Variants in PARD3 observed in about 807,000 individuals in gnomAD.
The protein encoded by PARD3 is par-3 family cell polarity regulator, also known as partitioning defective 3 homolog.
PARD3 carries 75 observed loss-of-function variants against 155.4 expected under a neutral mutation model. The observed-to-expected ratio is 0.48, with a 90% CI of 0.40 to 0.58. The LOEUF is 0.58. Ranked by LOEUF, PARD3 falls within the 20% of genes least tolerant of loss-of-function variation. PARD3 has a pLI of 0.00. For missense variants in PARD3, 1,642 were observed against 1,721.7 expected, an observed-to-expected ratio of 0.95 and a Z score of 0.82; for synonymous variants, 576 against 610.5, an observed-to-expected ratio of 0.94 and a Z score of 0.83.
At chr10:34,735,487 G>T (rs2094896873) in intron 1 of PARD3, among the ~76,000 whole-genome samples, 1 of 152,132 alleles carries the variant, frequency 6.6e-6, no homozygotes, top group Non-Finnish European at 1.5e-5. Context: ...CACATTCAAA[G>T]TTCTGTCCCT....
chr10:34,139,734 G>A (rs147442413), intron 22 of PARD3, among the ~76,000 whole-genome samples: 1 of 152,298 alleles, frequency 6.6e-6, no homozygotes, highest in East Asian at 1.9e-4. Flanking sequence ...ATCCATGGAT[G>A]TACAGAGTTG....
chr10:34,804,672 T>G (rs148137802), intron 1 of PARD3, among the ~76,000 whole-genome samples: 1 of 152,360 alleles, frequency 6.6e-6, no homozygotes, highest in East Asian at 1.9e-4. Flanking sequence ...GGAAGAGTTT[T>G]CTTTTTTCCT....
At chr10:34,425,062 AC>A (rs1376175411) in intron 5 of PARD3, among the ~76,000 whole-genome samples, 15 of 152,038 alleles carry the variant, frequency 9.9e-5, no homozygotes, top group African/African-American at 3.6e-4. Flanking sequence ...TATGAAAATT[AC>A]ATCTTAATCA....
intron 24 of PARD3, among the ~76,000 whole-genome samples, chr10:34,113,081 T>G (rs542427753): frequency 6.6e-6 from 1 of 152,362 alleles, no homozygotes; most frequent in East Asian, 1.9e-4. Context: ...CATGAAACTT[T>G]AATTAAAACA....
chr10:34,355,484 A>G (rs12251003), intron 14 of PARD3, among the ~76,000 whole-genome samples: 2 of 152,176 alleles, frequency 1.3e-5, no homozygotes, highest in Non-Finnish European at 2.9e-5. Flanking sequence ...CATAAGACAT[A>G]CCAGGAAATA....
chr10:34,534,231 A>G (rs996182987), intron 2 of PARD3, among the ~76,000 whole-genome samples: 1 of 150,892 alleles, frequency 6.6e-6, no homozygotes, highest in Admixed American at 6.6e-5. Flanking sequence ...GTGCCACTGC[A>G]CTCCAGCCTG....
intron 22 of PARD3, among the ~76,000 whole-genome samples, chr10:34,243,012 G>T (rs182748510): frequency 9.2e-5 from 14 of 152,232 alleles, no homozygotes; most frequent in Admixed American, 5.2e-4. Flanking sequence ...AAATCCATTT[G>T]CATTTCTATC....
intron 2 of PARD3, among the ~76,000 whole-genome samples, chr10:34,521,599 G>C (rs1467882930): frequency 6.6e-6 from 1 of 152,084 alleles, no homozygotes; most frequent in Non-Finnish European, 1.5e-5. Context: ...CATCTATCAA[G>C]TCTCCATGAG....
At chr10:34,561,758 T>C (rs2085495885) in intron 2 of PARD3, among the ~76,000 whole-genome samples, 1 of 151,560 alleles carries the variant, frequency 6.6e-6, no homozygotes, top group Non-Finnish European at 1.5e-5. Flanking sequence ...TCTCAGGTGA[T>C]CCGCCCACCT....
intron 20 of PARD3, among the ~76,000 whole-genome samples, chr10:34,310,811 C>T (rs1489891590): frequency 6.6e-6 from 1 of 152,184 alleles, no homozygotes; most frequent in Non-Finnish European, 1.5e-5. Context: ...TTAGGATTTA[C>T]AAATTCAGAA....
intron 2 of PARD3, among the ~76,000 whole-genome samples, chr10:34,561,317 T>C (rs1286766630): frequency 6.6e-6 from 1 of 152,198 alleles, no homozygotes; most frequent in African/African-American, 2.4e-5. Flanking sequence ...GATGGGAATC[T>C]TATCTTGTTA....
At chr10:34,748,287 C>A (rs989996271) in intron 1 of PARD3, among the ~76,000 whole-genome samples, 1 of 151,992 alleles carries the variant, frequency 6.6e-6, no homozygotes, top group African/African-American at 2.4e-5. Flanking sequence ...CTGTCCAACA[C>A]GGCAAAACCC....
chr10:34,409,693 AT>A (rs764131959), intron 5 of PARD3, among the ~76,000 whole-genome samples: 5 of 152,160 alleles, frequency 3.3e-5, no homozygotes, highest in Non-Finnish European at 7.3e-5. Context: ...AGTTGACACG[AT>A]TTTATTCAGA....
intron 22 of PARD3, among the ~76,000 whole-genome samples, chr10:34,222,802 G>A (rs1358159230): frequency 6.6e-6 from 1 of 152,148 alleles, no homozygotes; most frequent in Non-Finnish European, 1.5e-5. Context: ...ATCACAGCAC[G>A]ATAAGTCCAA....
intron 22 of PARD3, among the ~76,000 whole-genome samples, chr10:34,184,632 G>T (rs1950404982): frequency 6.6e-6 from 1 of 151,742 alleles, no homozygotes; most frequent in African/African-American, 2.4e-5. Context: ...CTCTGTTCAA[G>T]GGATTGTCGA....
intron 12 of PARD3, 52 bp from the exon 13 acceptor site, chr10:34,360,311 A>G: frequency 7.2e-7 from 1 of 1,381,316 alleles, no homozygotes; most frequent in Non-Finnish European, 1.0e-6. Flanking sequence ...TTTCTTTCTC[A>G]AAGTTATTTT....
chr10:34,555,426 G>C (rs959349701), intron 2 of PARD3, among the ~76,000 whole-genome samples: 1 of 151,938 alleles, frequency 6.6e-6, no homozygotes. Context: ...AATTCACTTA[G>C]AATACAAAAT....
chr10:34,271,043 A>G (rs2133862935), intron 21 of PARD3, among the ~76,000 whole-genome samples: 1 of 152,320 alleles, frequency 6.6e-6, no homozygotes, highest in East Asian at 1.9e-4. Context: ...TTATATACTT[A>G]CAAATTTAAG....
At chr10:34,191,843 T>C (rs138326178) in intron 22 of PARD3, among the ~76,000 whole-genome samples, 2 of 152,150 alleles carry the variant, frequency 1.3e-5, no homozygotes, top group African/African-American at 2.4e-5. Context: ...TTAGGGAACC[T>C]GAGTCTAAGA....
Sources: gnomAD v4.1 joint callset for allele counts (sites outside exome capture counted in the v4.1 genomes callset) on GRCh38, gnomAD v4.1.1 for gene constraint, MANE v1.5 for transcripts, NCBI Gene and HGNC (gene_info 2026-07-23, HGNC 2026-07-21) for gene names.